PAFAH2: variants seen among roughly 807,000 people sequenced by gnomAD.
PAFAH2 encodes platelet-activating factor acetylhydrolase 2, cytoplasmic.
PAFAH2 carries 42 observed loss-of-function variants against 49.0 expected under a neutral mutation model. The ratio of observed to expected loss-of-function variants is 0.86; its 90% CI spans 0.67 to 1.11. The LOEUF is 1.11. PAFAH2 is among the 50% of genes least tolerant of loss of function. PAFAH2 has a pLI of 0.00. For synonymous variants in PAFAH2, 184 were observed against 181.3 expected, an observed-to-expected ratio of 1.01 and a Z score of -0.12; for missense variants, 503 against 501.8, an observed-to-expected ratio of 1.00 and a Z score of -0.02.
rs879708926 is a variant in PAFAH2 at position 25,984,362 on chromosome 1, C to A, written c.410+98G>T. The A allele has an allele frequency of 1.4e-5, 13 of 930,392 alleles. No homozygotes were observed. In the Admixed American group the frequency reaches 3.1e-4, roughly 22 times the overall value. 57.6% of individuals were successfully genotyped at this position (930,392 alleles called of 1,614,324 possible). ...TTAAAAGTGGTATAATGCTGGCTTGCACGGTTGTCGAGAGGGTTAGAAATA... is the reference window on the plus strand; with the variant it reads ...TTAAAAGTGGTATAATGCTGGCTTGAACGGTTGTCGAGAGGGTTAGAAATA... On this transcript the variant is annotated intron_variant, in intron 5 of 10. Transcript: ENST00000374282.
intron 10 of PAFAH2, among the ~76,000 whole-genome samples, chr1:25,968,899 C>A (rs906400813): frequency 3.3e-5 from 5 of 152,024 alleles, no homozygotes; most frequent in African/African-American, 1.2e-4. Flanking sequence ...CCAACTTTTT[C>A]AGACTGTCTT....
intron 4 of PAFAH2, among the ~76,000 whole-genome samples, chr1:25,984,845 CTTTTTTTT>C (rs34522205): frequency 2.1e-4 from 22 of 104,274 alleles, no homozygotes; most frequent in African/African-American, 7.6e-4. Context: ...AGAGAGATTT[CTTTTTTTT>C]TTTTTTTTTT....
rs1037320648 is a variant in PAFAH2, at chr1:25,962,013, G to T, written c.1155C>A (p.Ala385=). The T allele has an allele frequency of 1.9e-6, 3 of 1,613,878 alleles. No homozygotes were observed. In the Admixed American group the frequency reaches 5.0e-5, roughly 27 times the overall value. The change falls in exon 11 of 11, where the codon GCC becomes GCA. Residue 385 remains alanine (A), a synonymous_variant. Transcript: ENST00000374282. The part of the protein sequence containing the change: ...EGIGPSLTPG[A]PHHLSSL The stretch of plus-strand genomic sequence containing the variant: ...CCTACAGGCTGGACAGATGGTGGGG[G>T]GCCCCTGGGGTGAGCGACGGTCCAA...
chr1:25,996,969 C>A (rs1350598002), intron 1 of PAFAH2, among the ~76,000 whole-genome samples: 1 of 152,222 alleles, frequency 6.6e-6, no homozygotes, highest in Non-Finnish European at 1.5e-5. Flanking sequence ...AGGCCTCAGA[C>A]ACCCCTACCA....
At chr1:25,963,394 G>A (rs2124310444) in intron 10 of PAFAH2, among the ~76,000 whole-genome samples, 1 of 152,244 alleles carries the variant, frequency 6.6e-6, no homozygotes, top group East Asian at 1.9e-4. Context: ...AACTATATAG[G>A]ATGTGAAAAG....
intron 8 of PAFAH2, 121 bp from the exon 9 acceptor site, chr1:25,974,771 G>T (rs560738427): frequency 9.8e-6 from 8 of 813,974 alleles, no homozygotes; most frequent in Admixed American, 3.0e-5. Context: ...AGCCAGGAGG[G>T]GGGTACCAGG....
intron 7 of PAFAH2, among the ~76,000 whole-genome samples, chr1:25,979,173 G>C (rs147178433): frequency 2.6e-5 from 4 of 152,306 alleles, no homozygotes; most frequent in Non-Finnish European, 4.4e-5. Flanking sequence ...CCACAACTTT[G>C]TTAACAGAGT....
chr1:25,977,333 A>G (rs1342114453), intron 7 of PAFAH2, among the ~76,000 whole-genome samples: 2 of 149,058 alleles, frequency 1.3e-5, no homozygotes, highest in Non-Finnish European at 3.0e-5. Context: ...ACCTAACAAT[A>G]GTGGACCAGG....
At position 25,993,987 on chromosome 1, in the gene PAFAH2, G is replaced by A. The variant is rs12042915; in HGVS notation, c.-47-3124C>T. 2.3e-3 allele frequency among the ~76,000 whole-genome samples: 352 copies of A among 152,180 alleles called. 12 individuals carry two copies. In the East Asian group the frequency reaches 0.058, roughly 25 times the overall value. ...GAAGGAAGCTTGTGTGAGAAACAAC[G>A]CAAGGTGAGAAGAGAAAGTTGTGAC... is the stretch of plus-strand genomic sequence containing the variant. On this transcript the variant is annotated intron_variant, in intron 1 of 10. Transcript: ENST00000374282.
chr1:25,965,345 C>G (rs559963456), intron 10 of PAFAH2, among the ~76,000 whole-genome samples: 2 of 152,086 alleles, frequency 1.3e-5, no homozygotes, highest in African/African-American at 2.4e-5. Flanking sequence ...TTGGCTCACG[C>G]AAAGAATTCG....
Position 25,974,495 on chromosome 1 carries a change from C to G in PAFAH2, c.914G>C (p.Arg305Thr). 6.2e-7 allele frequency: 1 copy of G among 1,613,058 alleles called. No individual in the cohort carries two copies. Among genetic ancestry groups the G allele is most frequent in the Non-Finnish European group, 8.5e-7 (1 of 1,179,442 alleles). The stretch of plus-strand genomic sequence containing the variant: ...GTTTACTCACAGAACGGTTATGATC[C>G]TAGACTGTTCATGCTGGGCACATAT... ...KKICAQHEQS[R>T]IITVLGSVHR... The change falls in exon 9 of 11, where the codon AGG becomes ACG. Residue 305 changes from arginine to threonine, a missense_variant. Arg to Thr is a moderately conservative substitution (Grantham distance 71). Coordinates refer to ENST00000374282, the MANE Select transcript of PAFAH2 (RefSeq NM_000437.4).
intron 10 of PAFAH2, chr1:25,964,320 T>C (rs1026411826): frequency 2.0e-5 from 3 of 152,226 alleles, no homozygotes; most frequent in African/African-American, 4.8e-5. Context: ...TAAATAATAA[T>C]ACCATGATTG....
chr1:25,979,991 T>C (rs953829154), intron 7 of PAFAH2, among the ~76,000 whole-genome samples: 1 of 152,180 alleles, frequency 6.6e-6, no homozygotes, highest in Non-Finnish European at 1.5e-5. Context: ...TGGGGGTTGA[T>C]GATACAAACA....
At chr1:25,982,635 T>C (rs2049708755) in intron 6 of PAFAH2, among the ~76,000 whole-genome samples, 158 bp from the exon 7 acceptor site, 1 of 152,218 alleles carries the variant, frequency 6.6e-6, no homozygotes, top group South Asian at 2.1e-4. Flanking sequence ...CTCAGCTACC[T>C]TGCAGCTCAC....
At chr1:25,988,978 G>A (rs769106279) in intron 3 of PAFAH2, among the ~76,000 whole-genome samples, 4 of 152,030 alleles carry the variant, frequency 2.6e-5, no homozygotes, top group Non-Finnish European at 4.4e-5. Flanking sequence ...TCAGAAGAGG[G>A]GTGACTGGAG....
intron 10 of PAFAH2, among the ~76,000 whole-genome samples, chr1:25,971,623 G>A (rs895518530): frequency 6.6e-6 from 1 of 152,186 alleles, no homozygotes; most frequent in African/African-American, 2.4e-5. Flanking sequence ...AGTCAGTCCT[G>A]CCAGCCACCC....
chr1:25,972,434 A>G, intron 10 of PAFAH2, 124 bp downstream of exon 10: 1 of 1,069,036 alleles, frequency 9.4e-7, no homozygotes, highest in Non-Finnish European at 1.4e-6. Context: ...TCTCTCCTTC[A>G]CTCAGGTTTT....
At position 25,976,665 on chromosome 1, in the gene PAFAH2, AC is replaced by A. The variant is rs2049593110; in HGVS notation, c.758+16del. 4 of 1,586,204 alleles carry A rather than the reference AC, an allele frequency of 2.5e-6. No homozygotes were observed. In the East Asian group the frequency reaches 8.9e-5, roughly 35 times the overall value. ...GGTGTATGGAGCTAAGCACAGCAAC[AC>A]TACTAGGAAACTCACCGAAATTGGG... On this transcript the variant is annotated intron_variant, in intron 8 of 10. Coordinates refer to ENST00000374282, the MANE Select transcript of PAFAH2 (RefSeq NM_000437.4).
intron 6 of PAFAH2, among the ~76,000 whole-genome samples, chr1:25,983,579 T>C (rs2049729060): frequency 6.7e-6 from 1 of 149,380 alleles, no homozygotes; most frequent in African/African-American, 2.4e-5. Flanking sequence ...AAAAACAACT[T>C]ATGGTTCTAA....
Sources: gnomAD v4.1 joint callset for allele counts (sites outside exome capture counted in the v4.1 genomes callset) on GRCh38, gnomAD v4.1.1 for gene constraint, MANE v1.5 for transcripts, NCBI Gene and HGNC (gene_info 2026-07-23, HGNC 2026-07-21) for gene names.